Variants in ACYP1 observed in about 807,000 individuals in gnomAD.
ACYP1 encodes the protein acylphosphatase-1.
Under a neutral mutation model 10.4 loss-of-function variants are expected in ACYP1, and 8 were observed. The observed-to-expected ratio is 0.77, with a 90% CI of 0.45 to 1.38. The LOEUF is 1.38. Ranked by LOEUF, ACYP1 falls within the 40% of genes most tolerant of loss-of-function variation. The probability of loss-of-function intolerance (pLI) is 0.00; values close to 1 mark genes in which losing one functional copy is unlikely to be tolerated. For synonymous variants in ACYP1, 38 were observed against 40.8 expected (o/e 0.93, Z 0.26); for missense variants, 93 against 117.3 (o/e 0.79, Z 0.96).
intron 2 of ACYP1, among the ~76,000 whole-genome samples, chr14:75,059,067 G>T (rs1289314230): frequency 1.3e-5 from 2 of 149,936 alleles, no homozygotes; most frequent in African/African-American, 4.9e-5. Context: ...GCGTGATATA[G>T]CACACCTGTA....
intron 2 of ACYP1, among the ~76,000 whole-genome samples, chr14:75,057,989 G>T (rs55831239): frequency 1.0e-4 from 9 of 90,208 alleles, no homozygotes; most frequent in South Asian, 3.7e-4. Flanking sequence ...AAAAAAAAAA[G>T]AACTACCTGC....
At chr14:75,064,098 C>G (rs1893100832), upstream of ACYP1, 1 of 931,344 alleles carries the variant, frequency 1.1e-6, no homozygotes, top group South Asian at 4.9e-5. Flanking sequence ...TCCAGCTGAC[C>G]AATCAGAGAC....
At chr14:75,062,467 A>G (rs547011501) in intron 2 of ACYP1, among the ~76,000 whole-genome samples, 49 of 151,962 alleles carry the variant, frequency 3.2e-4, no homozygotes, top group South Asian at 6.2e-4. Context: ...GATTCCTTCC[A>G]GGTTAGAATT....
At chr14:75,065,998 C>A (rs1893136203), upstream of ACYP1, among the ~76,000 whole-genome samples, 4 of 152,196 alleles carry the variant, frequency 2.6e-5, no homozygotes, top group South Asian at 8.3e-4. Context: ...GGGTTTGCTA[C>A]CCTGCTTGTG....
chr14:75,063,570 A>G lies in ACYP1; in HGVS notation c.-8-9T>C, dbSNP rs1893082921. On this transcript the variant is annotated splice_polypyrimidine_tract_variant and intron_variant, in intron 1 of 2. Coordinates refer to ENST00000238618, the MANE Select transcript of ACYP1 (RefSeq NM_001107.5). Reference sequence around the variant, plus strand: ...TTCTGCCATGCTCAAACCTGTCAGAAACCAGGAAAGCAGAAGAGTGAAGGG... The same window carrying G: ...TTCTGCCATGCTCAAACCTGTCAGAGACCAGGAAAGCAGAAGAGTGAAGGG... 2 of 1,611,436 alleles carry G rather than the reference A, an allele frequency of 1.2e-6. No homozygotes were observed. The highest frequency in any genetic ancestry group is 2.2e-5 in the East Asian group (1 of 44,892).
At chr14:75,053,683 A>T (rs1892804818) in intron 2 of ACYP1, 24 bp from the exon 3 acceptor site, 5 of 1,599,122 alleles carry the variant, frequency 3.1e-6, no homozygotes, top group Non-Finnish European at 4.3e-6. Context: ...AAAGAGAGAG[A>T]GATCCAGTGA....
upstream of ACYP1, among the ~76,000 whole-genome samples, chr14:75,068,295 C>CA (rs1447830025): frequency 6.6e-6 from 1 of 151,518 alleles, no homozygotes; most frequent in Non-Finnish European, 1.5e-5. Context: ...GATTCCGTCT[C>CA]AAAAAACAAA....
chr14:75,063,462 C>T lies in ACYP1; in HGVS notation c.84+8G>A, dbSNP rs1470515807. ...AGGTTACCACCCCAAAGCCTGCAGG[C>T]CACATACCTGAGTATGCTTACGGAA... On this transcript the variant is annotated splice_region_variant and intron_variant, in intron 2 of 2. Coordinates refer to ENST00000238618, the MANE Select transcript of ACYP1 (RefSeq NM_001107.5). 1 of 1,612,646 alleles carries T rather than the reference C, an allele frequency of 6.2e-7. No individual in the cohort carries two copies. Among genetic ancestry groups the T allele is most frequent in the South Asian group, 1.1e-5 (1 of 90,928 alleles).
chr14:75,064,742 A>G (rs1290918250), upstream of ACYP1, among the ~76,000 whole-genome samples: 2 of 152,120 alleles, frequency 1.3e-5, no homozygotes, highest in African/African-American at 4.8e-5. Context: ...TCAAATAAAT[A>G]AATTAATAAA....
Position 75,063,543 on chromosome 14 carries a change from C to T in ACYP1, c.11G>A (p.Gly4Glu), listed in dbSNP as rs140497716. Residue 4 changes from glycine to glutamate, a missense_variant, in exon 2 of 3, where the codon GGA becomes GAA. Gly to Glu is a moderately conservative substitution (Grantham distance 98, BLOSUM62 -2). Transcript: ENST00000238618. ...ATAATCCACTGATATCAGGGTGTTT[C>T]CTTCTGCCATGCTCAAACCTGTCAG... The part of the protein sequence containing the change: MAE[G>E]NTLISVDYEI... The T allele has an allele frequency of 2.9e-4, 473 of 1,613,586 alleles. 1 individual carries two copies. The highest frequency in any genetic ancestry group is 1.4e-3 in the Admixed American group (83 of 59,966).
intron 2 of ACYP1, among the ~76,000 whole-genome samples, chr14:75,062,417 A>T (rs1893046399): frequency 6.6e-6 from 1 of 151,854 alleles, no homozygotes; most frequent in Non-Finnish European, 1.5e-5. Flanking sequence ...AAAAAAGAAA[A>T]AGGGAAAGAG....
At chr14:75,069,334 C>T in exon 1 of ACYP1, 11 of 1,382,312 alleles carry the variant, frequency 8.0e-6, no homozygotes, top group Non-Finnish European at 5.6e-6. Flanking sequence ...GGCCTCCGCC[C>T]TTTGCCAGAC....
At chr14:75,068,310 AAACAAC>A (rs1285297216), upstream of ACYP1, among the ~76,000 whole-genome samples, 1 of 152,170 alleles carries the variant, frequency 6.6e-6, no homozygotes, top group African/African-American at 2.4e-5. Flanking sequence ...AACAAAAAAC[AAACAAC>A]TTTAAAAAAC....
In ACYP1 at chr14:75,053,522, T is replaced by G. The variant is rs1594790057; in HGVS notation, c.222A>C (p.Ser74=). ...EWLETRGSPK[S]HIDKANFNNE... ...TGTTGAAGTTTGCTTTGTCGATGTG[T>G]GATTTAGGACTTCCTCTTGTTTCAA... The change falls in exon 3 of 3, where the codon TCA becomes TCC. Residue 74 remains serine, a synonymous_variant. Transcript: ENST00000238618. The G allele has an allele frequency of 6.2e-7, 1 of 1,614,230 alleles. No homozygotes were observed. The highest frequency in any genetic ancestry group is 8.5e-7 in the Non-Finnish European group (1 of 1,180,058).
At chr14:75,057,130 T>G (rs1232013627) in intron 2 of ACYP1, among the ~76,000 whole-genome samples, 1 of 151,620 alleles carries the variant, frequency 6.6e-6, no homozygotes, top group African/African-American at 2.4e-5. Flanking sequence ...AGGCACACAC[T>G]AGAGCTAATT....
At chr14:75,054,458 A>G (rs906233916) in intron 2 of ACYP1, among the ~76,000 whole-genome samples, 1 of 151,628 alleles carries the variant, frequency 6.6e-6, no homozygotes, top group African/African-American at 2.4e-5. Context: ...GCAAGACTGA[A>G]TGTTTAGGAA....
intron 1 of ACYP1, 109 bp downstream of exon 1, chr14:75,063,845 C>T: frequency 1.2e-6 from 1 of 830,356 alleles, no homozygotes; most frequent in Non-Finnish European, 1.5e-6. Context: ...CCCGGTCCCG[C>T]TCCCTCACTA....
At position 75,053,397 on chromosome 14, in the gene ACYP1, A is replaced by G; in HGVS notation, c.*47T>C. Reference sequence around the variant, plus strand: ...CAATAGTTCTATCTCTATTAATAATAAAAACCAAACCACTGAGTTTATCTT... The same window carrying G: ...CAATAGTTCTATCTCTATTAATAATGAAAACCAAACCACTGAGTTTATCTT... On this transcript the variant is annotated 3_prime_UTR_variant, in exon 3 of 3. Coordinates refer to ENST00000238618, the MANE Select transcript of ACYP1 (RefSeq NM_001107.5). The G allele has an allele frequency of 6.5e-7, 1 of 1,546,780 alleles. No homozygotes were observed. The highest frequency in any genetic ancestry group is 8.9e-7 in the Non-Finnish European group (1 of 1,120,630).
At chr14:75,066,400 A>G (rs1893143471), upstream of ACYP1, among the ~76,000 whole-genome samples, 1 of 151,772 alleles carries the variant, frequency 6.6e-6, no homozygotes, top group Non-Finnish European at 1.5e-5. Flanking sequence ...GGGTGGAGAA[A>G]TATTTAGACT....
Sources: gnomAD v4.1 joint callset for allele counts (sites outside exome capture counted in the v4.1 genomes callset) on GRCh38, gnomAD v4.1.1 for gene constraint, MANE v1.5 for transcripts, NCBI Gene and HGNC (gene_info 2026-07-23, HGNC 2026-07-21) for gene names.